The following TEKT5 variants were observed in gnomAD, a reference collection of about 807,000 sequenced individuals.
TEKT5 encodes the protein tektin 5.
In TEKT5, 52 loss-of-function variants were observed where a neutral mutation model predicts 48.7. The ratio of observed to expected loss-of-function variants is 1.07; its 90% CI spans 0.86 to 1.35. TEKT5 has a LOEUF of 1.35. Ranked by LOEUF, TEKT5 falls within the 40% of genes most tolerant of loss-of-function variation. The pLI, the probability that TEKT5 is intolerant of heterozygous loss-of-function variation, is 0.00. For missense variants in TEKT5, 831 were observed against 641.6 expected (o/e 1.30, Z -3.19); for synonymous variants, 318 against 267.6 (o/e 1.19, Z -1.84).
chr16:10,670,432 T>C (rs528256787), intron 5 of TEKT5, among the ~76,000 whole-genome samples: 1 of 152,102 alleles, frequency 6.6e-6, no homozygotes, highest in Non-Finnish European at 1.5e-5. Context: ...GGCAGGAGAA[T>C]CACTTGAACC....
rs28415540 is a variant in TEKT5 at position 10,662,528 on chromosome 16, G to A, written c.1086+13431C>T. Among the ~76,000 whole-genome samples the A allele has an allele frequency of 3.4e-3, 514 of 152,282 alleles. 3 individuals carry two copies. The highest frequency in any genetic ancestry group is 0.011 in the African/African-American group (438 of 41,562). ...AATACTTTGTTCTGCACGTAGCCCC[G>A]GCACCACCACCCTATAAAACTTCCT... is the stretch of plus-strand genomic sequence containing the variant. On this transcript the variant is annotated intron_variant, in intron 5 of 6. Coordinates refer to ENST00000283025, the MANE Select transcript of TEKT5 (RefSeq NM_144674.2).
At chr16:10,683,734 G>A (rs1162875230) in intron 3 of TEKT5, among the ~76,000 whole-genome samples, 2 of 152,130 alleles carry the variant, frequency 1.3e-5, no homozygotes, top group Non-Finnish European at 2.9e-5. Context: ...GGGATTACAG[G>A]CACCCGCCAC....
intron 5 of TEKT5, among the ~76,000 whole-genome samples, chr16:10,671,547 T>C (rs1288995537): frequency 6.6e-6 from 1 of 152,214 alleles, no homozygotes; most frequent in Non-Finnish European, 1.5e-5. Context: ...GGAGGACAAC[T>C]ACTGTATGAT....
rs191939725 is a variant in TEKT5 at position 10,632,361 on chromosome 16, G to A, written c.1241+3403C>T. 4.1e-3 allele frequency among the ~76,000 whole-genome samples: 624 copies of A among 152,076 alleles called. 5 individuals carry two copies. Among genetic ancestry groups the A allele is most frequent in the Non-Finnish European group, 4.9e-3 (336 of 67,994 alleles). The stretch of plus-strand genomic sequence containing the variant: ...TCCCCAGGATGGAGTACAGTGGCAC[G>A]ATTATAGCTCACTGCAGCCTCCAAC... On this transcript the variant is annotated intron_variant, in intron 6 of 6. Coordinates refer to ENST00000283025, the MANE Select transcript of TEKT5 (RefSeq NM_144674.2).
intron 5 of TEKT5, among the ~76,000 whole-genome samples, chr16:10,664,674 C>A (rs905877520): frequency 6.6e-6 from 1 of 152,240 alleles, no homozygotes; most frequent in Non-Finnish European, 1.5e-5. Context: ...TGCACCTTCT[C>A]ACTTGTTCCT....
At chr16:10,648,995 G>C (rs1255065235) in intron 5 of TEKT5, among the ~76,000 whole-genome samples, 3 of 152,158 alleles carry the variant, frequency 2.0e-5, no homozygotes, top group African/African-American at 4.8e-5. Context: ...TGTTGCCCAG[G>C]CTGGAGTGCA....
intron 6 of TEKT5, among the ~76,000 whole-genome samples, chr16:10,630,043 C>T (rs1260953227): frequency 1.3e-5 from 2 of 152,106 alleles, no homozygotes; most frequent in Non-Finnish European, 2.9e-5. Flanking sequence ...TTAAGCGTTC[C>T]TCCAGCCTCA....
intron 5 of TEKT5, among the ~76,000 whole-genome samples, chr16:10,644,519 GTCTAC>G (rs1371986079): frequency 6.6e-6 from 1 of 152,142 alleles, no homozygotes; most frequent in Non-Finnish European, 1.5e-5. Context: ...GAGCTTCCCT[GTCTAC>G]TCTATTCAAA....
intron 1 of TEKT5, among the ~76,000 whole-genome samples, chr16:10,691,912 C>T (rs1163533802): frequency 2.0e-5 from 3 of 148,604 alleles, no homozygotes; most frequent in Non-Finnish European, 3.0e-5. Flanking sequence ...CGCACCACTG[C>T]ACTCCAGCCT....
chr16:10,639,630 G>A (rs1277617780), intron 5 of TEKT5, among the ~76,000 whole-genome samples: 1 of 152,188 alleles, frequency 6.6e-6, no homozygotes, highest in Non-Finnish European at 1.5e-5. Flanking sequence ...CTATTCCAGT[G>A]CTCACAGTCT....
intron 5 of TEKT5, among the ~76,000 whole-genome samples, chr16:10,669,165 G>A (rs190080504): frequency 1.5e-3 from 221 of 152,212 alleles, no homozygotes; most frequent in African/African-American, 4.9e-3. Flanking sequence ...GGAAACAACC[G>A]AAATGCTTAT....
At chr16:10,655,325 C>T (rs547417204) in intron 5 of TEKT5, among the ~76,000 whole-genome samples, 54 of 152,250 alleles carry the variant, frequency 3.5e-4, no homozygotes, top group Non-Finnish European at 6.3e-4. Flanking sequence ...ACTTCAGAAC[C>T]CACCGGAACT....
At chr16:10,628,329 A>G (rs1185871500) in intron 6 of TEKT5, among the ~76,000 whole-genome samples, 1 of 152,228 alleles carries the variant, frequency 6.6e-6, no homozygotes. Flanking sequence ...AAAGGAAGAA[A>G]TAAGACAGGA....
chr16:10,642,174 TGCTGACCCTA>T (rs1010487772), intron 5 of TEKT5, among the ~76,000 whole-genome samples: 4 of 152,210 alleles, frequency 2.6e-5, no homozygotes, highest in African/African-American at 9.7e-5. Context: ...TCTGAGGCCT[TGCTGACCCTA>T]GAGGCACTAG....
chr16:10,643,380 TA>T (rs796677368), intron 5 of TEKT5, among the ~76,000 whole-genome samples: 1,495 of 144,384 alleles, frequency 0.01, 15 homozygotes, highest in African/African-American at 0.029. Flanking sequence ...CTCCGTCTCT[TA>T]AAAAAAAAAA....
At chr16:10,643,408 TA>T (rs975154701) in intron 5 of TEKT5, among the ~76,000 whole-genome samples, 1 of 151,662 alleles carries the variant, frequency 6.6e-6, no homozygotes, top group Non-Finnish European at 1.5e-5. Flanking sequence ...AATATAAATA[TA>T]AAAAAATTTA....
At chr16:10,664,411 C>T (rs1011435644) in intron 5 of TEKT5, among the ~76,000 whole-genome samples, 1 of 152,212 alleles carries the variant, frequency 6.6e-6, no homozygotes, top group African/African-American at 2.4e-5. Context: ...CTGGATGGAG[C>T]CTGAGAACGT....
chr16:10,694,273 G>C (rs373383400), intron 1 of TEKT5, 37 bp downstream of exon 1: 7 of 1,519,624 alleles, frequency 4.6e-6, no homozygotes, highest in Non-Finnish European at 6.2e-6. Flanking sequence ...GTATCCCCAG[G>C]ACACAGCCAC....
At chr16:10,694,019 G>A (rs888664978) in intron 1 of TEKT5, among the ~76,000 whole-genome samples, 1 of 152,130 alleles carries the variant, frequency 6.6e-6, no homozygotes, top group African/African-American at 2.4e-5. Context: ...TTAAGGACCA[G>A]AACACACACA....
Sources: gnomAD v4.1 joint callset for allele counts (sites outside exome capture counted in the v4.1 genomes callset) on GRCh38, gnomAD v4.1.1 for gene constraint, MANE v1.5 for transcripts, NCBI Gene and HGNC (gene_info 2026-07-23, HGNC 2026-07-21) for gene names.